The following CNTFR variants were observed in gnomAD, a reference collection of about 807,000 sequenced individuals.
The protein encoded by CNTFR is ciliary neurotrophic factor receptor.
CNTFR carries 12 observed loss-of-function variants against 40.4 expected under a neutral mutation model. The observed-to-expected ratio is 0.30, with a 90% CI of 0.19 to 0.48. The LOEUF (loss-of-function observed/expected upper bound fraction) is 0.48, where lower values mean the gene tolerates loss of function less well. CNTFR is among the 20% of genes least tolerant of loss of function. The pLI is 0.99. For missense variants in CNTFR, 414 were observed against 506.8 expected (o/e 0.82, Z 1.76); for synonymous variants, 202 against 209.6 (o/e 0.96, Z 0.31).
intron 7 of CNTFR, among the ~76,000 whole-genome samples, chr9:34,554,223 G>A (rs1051565408): frequency 2.0e-5 from 3 of 152,238 alleles, no homozygotes; most frequent in South Asian, 2.1e-4. Flanking sequence ...CTTTCTGCTC[G>A]GCAAAGATAC....
chr9:34,570,815 G>C (rs949043267), intron 2 of CNTFR, among the ~76,000 whole-genome samples: 4 of 152,200 alleles, frequency 2.6e-5, no homozygotes, highest in Admixed American at 2.6e-4. Flanking sequence ...ACAAATGTGG[G>C]TATCAGCCTG....
At chr9:34,586,728 T>A (rs900665021) in intron 1 of CNTFR, among the ~76,000 whole-genome samples, 2 of 152,134 alleles carry the variant, frequency 1.3e-5, no homozygotes, top group African/African-American at 4.8e-5. Flanking sequence ...GAGTCTAGTC[T>A]CCTTATGGAA....
chr9:34,567,674 A>G (rs151258985), intron 3 of CNTFR, among the ~76,000 whole-genome samples: 3 of 152,340 alleles, frequency 2.0e-5, no homozygotes, highest in Non-Finnish European at 4.4e-5. Flanking sequence ...TGTGGGGTAC[A>G]GTCTCAAACA....
chr9:34,556,239 C>T lies in CNTFR; in HGVS notation c.768+16G>A, dbSNP rs756351913. On this transcript the variant is annotated intron_variant, in intron 7 of 9. Coordinates refer to ENST00000378980, the MANE Select transcript of CNTFR (RefSeq NM_147164.3). ...TAACTCAGGCACCCAGGATCTTGGCCGGGCAGGGCACTCACATGCTGCCAC... is the reference window on the plus strand; with the variant it reads ...TAACTCAGGCACCCAGGATCTTGGCTGGGCAGGGCACTCACATGCTGCCAC... 9 of 1,607,720 alleles carry T rather than the reference C, an allele frequency of 5.6e-6. No homozygotes were observed. The Middle Eastern group carries it at 5.0e-4, about 89-fold the overall frequency.
chr9:34,577,312 C>T (rs1827024458), intron 2 of CNTFR, among the ~76,000 whole-genome samples: 2 of 152,196 alleles, frequency 1.3e-5, no homozygotes, highest in Admixed American at 6.5e-5. Flanking sequence ...CGTGACTCCA[C>T]GGAAGACAGG....
Position 34,557,445 on chromosome 9 carries a change from G to A in CNTFR, c.604+81C>T, listed in dbSNP as rs781380441. The A allele has an allele frequency of 2.0e-6, 3 of 1,502,362 alleles. No individual in the cohort carries two copies. Among genetic ancestry groups the A allele is most frequent in the South Asian group, 2.5e-5 (2 of 81,182 alleles). 93.1% of individuals were successfully genotyped at this position (1,502,362 alleles called of 1,614,324 possible). ...ATGCCATGTATACATGTGCATGCAT[G>A]TGGACATCCCCACCAATGGCACACA... On this transcript the variant is annotated intron_variant, in intron 6 of 9. Coordinates refer to ENST00000378980, the MANE Select transcript of CNTFR (RefSeq NM_147164.3). The surrounding 1 kb of genome is among the most constrained non-coding windows in gnomAD (Gnocchi z 4.2).
At chr9:34,572,769 T>G (rs10758268) in intron 2 of CNTFR, among the ~76,000 whole-genome samples, 72,598 of 152,050 alleles carry the variant, frequency 0.48, 18,600 homozygotes, top group Non-Finnish European at 0.57. Flanking sequence ...ATGTTGACAG[T>G]CACCACGATG....
chr9:34,557,132 C>T lies in CNTFR; in HGVS notation c.604+394G>A, dbSNP rs1463259560. 6.7e-6 allele frequency among the ~76,000 whole-genome samples: 1 copy of T among 148,794 alleles called. No individual in the cohort carries two copies. The highest frequency in any genetic ancestry group is 2.0e-4 in the East Asian group (1 of 4,996). ...GTCAGGGGGAGGGCAGTATCTGTCC[C>T]AGTCCTGTCTCCTGTTCTGACACCT... On this transcript the variant is annotated intron_variant, in intron 6 of 9. Transcript: ENST00000378980. The surrounding 1 kb of genome is among the most constrained non-coding windows in gnomAD (Gnocchi z 4.2).
intron 7 of CNTFR, among the ~76,000 whole-genome samples, chr9:34,554,718 C>T (rs1077961): frequency 0.11 from 17,388 of 152,212 alleles, 1,222 homozygotes; most frequent in Middle Eastern, 0.18. Context: ...GTATTTTCCT[C>T]CTGAAAATCC....
At chr9:34,570,473 A>C (rs558022436) in intron 2 of CNTFR, among the ~76,000 whole-genome samples, 3 of 152,224 alleles carry the variant, frequency 2.0e-5, no homozygotes, top group African/African-American at 7.2e-5. Context: ...ACACTGTCAG[A>C]AACAGTGCCA....
intron 6 of CNTFR, among the ~76,000 whole-genome samples, chr9:34,556,810 TCA>T (rs1362242837): frequency 2.0e-5 from 3 of 152,110 alleles, no homozygotes; most frequent in Non-Finnish European, 4.4e-5. Flanking sequence ...TACACCAGCA[TCA>T]CACATTCCCC....
chr9:34,568,391 A>T (rs1415572626), intron 3 of CNTFR, among the ~76,000 whole-genome samples: 1 of 151,898 alleles, frequency 6.6e-6, no homozygotes, highest in African/African-American at 2.4e-5. Flanking sequence ...CAGCTGATTA[A>T]CCTGTCCCTT....
Position 34,564,696 on chromosome 9 carries a change from C to T in CNTFR, c.222G>A (p.Leu74=). ...LAPDLLNGSQ[L]VLHGLELGHS... ...GGCCCAGTTCCAGGCCATGGAGCAC[C>T]AGCTGAGAGCCGTTGAGCAGGTCAG... The change falls in exon 4 of 10, where the codon CTG becomes CTA. Residue 74 remains leucine, a synonymous_variant. Coordinates refer to ENST00000378980, the MANE Select transcript of CNTFR (RefSeq NM_147164.3). The T allele has an allele frequency of 6.2e-7, 1 of 1,614,064 alleles. No homozygotes were observed. Among genetic ancestry groups the T allele is most frequent in the East Asian group, 2.2e-5 (1 of 44,870 alleles).
chr9:34,566,157 A>G (rs1261325807), intron 3 of CNTFR, among the ~76,000 whole-genome samples: 1 of 150,874 alleles, frequency 6.6e-6, no homozygotes, highest in Non-Finnish European at 1.5e-5. Flanking sequence ...CCCTCCTCCC[A>G]TTGCAGCCCC....
In CNTFR at chr9:34,557,846, G is replaced by A. The variant is rs1825912723; in HGVS notation, c.437+21C>T. On this transcript the variant is annotated intron_variant, in intron 5 of 9. Transcript: ENST00000378980. This position sits in a 1 kb window ranked among gnomAD's most constrained non-coding sequence, Gnocchi z 4.2. The stretch of plus-strand genomic sequence containing the variant: ...GGTCAGAGGTCAGGGCTGGACCCGG[G>A]TCACAGGCGCAGCTACTCACAGCAC... 1.3e-6 allele frequency: 2 copies of A among 1,554,770 alleles called. No homozygotes were observed. The highest frequency in any genetic ancestry group is 1.7e-6 in the Non-Finnish European group (2 of 1,144,922).
At chr9:34,578,237 GGGA>G (rs1827092113) in intron 2 of CNTFR, among the ~76,000 whole-genome samples, 1 of 152,220 alleles carries the variant, frequency 6.6e-6, no homozygotes, top group African/African-American at 2.4e-5. Context: ...CAAGCGGGCC[GGGA>G]GGAGGGGAGG....
chr9:34,588,315 A>C (rs1362771077), intron 1 of CNTFR, among the ~76,000 whole-genome samples: 1 of 152,168 alleles, frequency 6.6e-6, no homozygotes, highest in Non-Finnish European at 1.5e-5. Flanking sequence ...CCCCATTCCC[A>C]CACGTGTAAT....
chr9:34,585,970 C>A (rs999974527), intron 1 of CNTFR, among the ~76,000 whole-genome samples: 1 of 152,234 alleles, frequency 6.6e-6, no homozygotes, highest in Non-Finnish European at 1.5e-5. Context: ...TGCCTCCAAG[C>A]CTCCCACCCC....
intron 4 of CNTFR, among the ~76,000 whole-genome samples, chr9:34,561,062 C>A (rs1587129565): frequency 6.6e-6 from 1 of 152,156 alleles, no homozygotes; most frequent in East Asian, 1.9e-4. Flanking sequence ...CACTCCAGCC[C>A]TACCCACGCC....
Sources: allele counts gnomAD v4.1 joint callset (sites outside exome capture counted in the v4.1 genomes callset), GRCh38; gene constraint gnomAD v4.1.1; non-coding constraint Gnocchi (gnomAD v3.1); transcripts MANE v1.5; gene names NCBI Gene and HGNC (gene_info 2026-07-23, HGNC 2026-07-21).